TENT4B: variants seen among roughly 807,000 people sequenced by gnomAD.
TENT4B encodes the protein terminal nucleotidyltransferase 4B, also known as PAP associated domain containing 5.
A neutral mutation model predicts 75.0 loss-of-function variants in TENT4B; 10 were observed. That is an observed-to-expected ratio of 0.13 (90% CI 0.08 to 0.23). The LOEUF is 0.23. TENT4B is among the 10% of genes least tolerant of loss of function. The pLI is 1.00. For missense variants in TENT4B, 579 were observed against 893.8 expected (o/e 0.65, Z 4.49); for synonymous variants, 350 against 357.7 (o/e 0.98, Z 0.24).
At chr16:50,221,731 T>C (rs1192032883) in intron 5 of TENT4B, among the ~76,000 whole-genome samples, 1 of 152,208 alleles carries the variant, frequency 6.6e-6, no homozygotes, top group African/African-American at 2.4e-5. Flanking sequence ...GCATCATCAG[T>C]TACATGCTGT....
chr16:50,230,280 C>A lies in TENT4B; in HGVS notation c.*952C>A, dbSNP rs1161990315. ...CTTCCTTTGCAGTCTTTTTTTTTTC[C>A]CCCCATTTCTTCCTAATAGGAAAAA... On this transcript the variant is annotated 3_prime_UTR_variant, in exon 12 of 12. Transcript: ENST00000561678. The A allele has an allele frequency of 4.1e-6, 4 of 976,350 alleles. No individual in the cohort carries two copies. The highest frequency in any genetic ancestry group is 4.8e-6 in the Non-Finnish European group (4 of 827,946). 60.5% of individuals were successfully genotyped at this position (976,350 alleles called of 1,614,324 possible).
rs2032372897 is a variant in TENT4B, at chr16:50,233,954, C to G, written c.*4626C>G. ...CAGTGAACATTTTTATTAGTAGTTG[C>G]ATATCATCTCTAGTTCCACATTTTA... is the stretch of plus-strand genomic sequence containing the variant. On this transcript the variant is annotated 3_prime_UTR_variant, in exon 12 of 12. Coordinates refer to ENST00000561678, the MANE Select transcript of TENT4B (RefSeq NM_001365324.3). 1 of 985,406 alleles carries G rather than the reference C, an allele frequency of 1.0e-6. No homozygotes were observed. The highest frequency in any genetic ancestry group is 1.7e-5 in the African/African-American group (1 of 57,346). 61.0% of individuals were successfully genotyped at this position (985,406 alleles called of 1,614,324 possible).
Position 50,235,154 on chromosome 16 carries a change from T to A in TENT4B, c.*5826T>A. 1 of 529,998 alleles carries A rather than the reference T, an allele frequency of 1.9e-6. No homozygotes were observed. Among genetic ancestry groups the A allele is most frequent in the Non-Finnish European group, 2.4e-6 (1 of 413,640 alleles). The allele number at this position is 529,998 out of a possible 1,614,324, so 32.8% of individuals were successfully genotyped here. A position where few individuals can be genotyped will look rare whatever the true frequency, so the allele number is the denominator to read the frequency against. On this transcript the variant is annotated 3_prime_UTR_variant, in exon 12 of 12. Coordinates refer to ENST00000561678, the MANE Select transcript of TENT4B (RefSeq NM_001365324.3). ...TGAATTGCACACCTGGAAGATTTTT[T>A]AAGCTAATGACAGTTTCTTCAAAGA... is the stretch of plus-strand genomic sequence containing the variant.
intron 1 of TENT4B, among the ~76,000 whole-genome samples, chr16:50,156,873 G>A (rs1054659663): frequency 6.6e-6 from 1 of 151,906 alleles, no homozygotes; most frequent in South Asian, 2.1e-4. Context: ...TGTTGCCTAG[G>A]CTGGTCTTCA....
intron 1 of TENT4B, among the ~76,000 whole-genome samples, chr16:50,169,433 G>A (rs2038165481): frequency 7.6e-6 from 1 of 130,820 alleles, no homozygotes; most frequent in Non-Finnish European, 1.6e-5. Context: ...CATCATAAAT[G>A]GTGGTGTGTA....
chr16:50,216,283 AT>A, intron 4 of TENT4B, 88 bp downstream of exon 4: 1 of 1,478,660 alleles, frequency 6.8e-7, no homozygotes, highest in South Asian at 1.2e-5. Flanking sequence ...GCACAGTTGC[AT>A]TGCAAGTGAG....
intron 1 of TENT4B, among the ~76,000 whole-genome samples, chr16:50,188,148 T>C (rs544163115): frequency 6.6e-6 from 1 of 152,334 alleles, no homozygotes; most frequent in Non-Finnish European, 1.5e-5. Flanking sequence ...AAAATTACTT[T>C]TATGGAGCCG....
intron 5 of TENT4B, 113 bp downstream of exon 5, chr16:50,217,776 T>TCTCTCTCCCTCTCTCTCTCTCTCTCTC (rs1383293650): frequency 5.4e-4 from 7 of 12,942 alleles, no homozygotes; most frequent in Non-Finnish European, 1.1e-3. Flanking sequence ...CTCTCTCTCT[T>TCTCTCTCCCTCTCTCTCTCTCTCTCTC]TTAAATAGAG....
intron 1 of TENT4B, among the ~76,000 whole-genome samples, chr16:50,168,467 A>ATTT (rs61664898): frequency 0.017 from 2,071 of 123,304 alleles, 67 homozygotes; most frequent in African/African-American, 0.057. Flanking sequence ...CACCCAGCTA[A>ATTT]TTTTTTTTTT....
Position 50,232,923 on chromosome 16 carries a change from A to C in TENT4B, c.*3595A>C, listed in dbSNP as rs1228978653. On this transcript the variant is annotated 3_prime_UTR_variant, in exon 12 of 12. Transcript: ENST00000561678. ...CTTCACAGTCAAAACTAAATGGTAA[A>C]CTATCAAAAATACATTCCCAATTTT... is the stretch of plus-strand genomic sequence containing the variant. 4.1e-6 allele frequency: 4 copies of C among 985,290 alleles called. No homozygotes were observed. Among genetic ancestry groups the C allele is most frequent in the Middle Eastern group, 5.2e-4 (1 of 1,936 alleles). The allele number at this position is 985,290 out of a possible 1,614,324, so 61.0% of individuals were successfully genotyped here. A position where few individuals can be genotyped will look rare whatever the true frequency, so the allele number is the denominator to read the frequency against.
intron 1 of TENT4B, among the ~76,000 whole-genome samples, chr16:50,176,217 G>T (rs2038305597): frequency 6.6e-6 from 1 of 151,626 alleles, no homozygotes; most frequent in South Asian, 2.1e-4. Flanking sequence ...CTCCCAAGCA[G>T]CTGGGATTAT....
intron 1 of TENT4B, among the ~76,000 whole-genome samples, chr16:50,200,300 A>T (rs530387363): frequency 2.6e-5 from 4 of 151,870 alleles, no homozygotes; most frequent in Admixed American, 1.3e-4. Context: ...CAGGAGCTGG[A>T]GGTGGCAGTA....
chr16:50,223,506 T>C, intron 7 of TENT4B, 119 bp downstream of exon 7: 2 of 693,388 alleles, frequency 2.9e-6, no homozygotes, highest in Non-Finnish European at 4.7e-6. Context: ...GTTATTCTTT[T>C]TTCATCGAAA....
chr16:50,154,246 C>A lies in TENT4B; in HGVS notation c.625C>A (p.Gln209Lys). Residue 209 changes from glutamine to lysine, a missense_variant, in exon 1 of 12, where the codon CAG becomes AAG. Gln to Lys is a moderately conservative substitution (Grantham distance 53). Transcript: ENST00000561678. ...GTPWKRRNYN[Q>K]GVVGLHEEIS... ...CCCGTGGAAACGGAGGAACTACAACCAGGGAGTCGTGGGGTGAGTGCTGGC... is the reference window on the plus strand; with the variant it reads ...CCCGTGGAAACGGAGGAACTACAACAAGGGAGTCGTGGGGTGAGTGCTGGC... The A allele has an allele frequency of 6.9e-7, 1 of 1,447,982 alleles. No individual in the cohort carries two copies. The highest frequency in any genetic ancestry group is 1.5e-5 in the African/African-American group (1 of 68,394). 89.7% of individuals were successfully genotyped at this position (1,447,982 alleles called of 1,614,324 possible).
rs1400107893 is a variant in TENT4B, at chr16:50,153,422, G to C, written c.-200G>C. Among the ~76,000 whole-genome samples the C allele has an allele frequency of 6.8e-6, 1 of 146,716 alleles. No homozygotes were observed. Among genetic ancestry groups the C allele is most frequent in the Non-Finnish European group, 1.5e-5 (1 of 65,868 alleles). ...GGGGAGGGCCCGCGGAGCCCCCGAG[G>C]GCGGGAGCGACGCCGCCGGCGCCGG... On this transcript the variant is annotated 5_prime_UTR_variant, in exon 1 of 12. Coordinates refer to ENST00000561678, the MANE Select transcript of TENT4B (RefSeq NM_001365324.3).
intron 1 of TENT4B, among the ~76,000 whole-genome samples, chr16:50,163,794 G>A (rs981101394): frequency 2.6e-5 from 4 of 151,746 alleles, no homozygotes; most frequent in Non-Finnish European, 4.4e-5. Context: ...TTATCAATAC[G>A]CACTCTTACT....
intron 1 of TENT4B, among the ~76,000 whole-genome samples, chr16:50,160,426 A>G (rs1370304066): frequency 6.6e-6 from 1 of 152,190 alleles, no homozygotes; most frequent in Non-Finnish European, 1.5e-5. Context: ...AAGGCTTACT[A>G]CATTACAGGA....
chr16:50,153,850 G>T lies in TENT4B; in HGVS notation c.229G>T (p.Ala77Ser). The T allele has an allele frequency of 2.8e-5, 38 of 1,369,446 alleles. No homozygotes were observed. The highest frequency in any genetic ancestry group is 3.5e-5 in the Non-Finnish European group (37 of 1,065,920). The allele number at this position is 1,369,446 out of a possible 1,614,324, so 84.8% of individuals were successfully genotyped here. A position where few individuals can be genotyped will look rare whatever the true frequency, so the allele number is the denominator to read the frequency against. The change falls in exon 1 of 12, where the codon GCC (alanine) becomes TCC (serine). Residue 77 changes from alanine to serine, a missense_variant. Around this residue, in one of 7 missense-constraint regions of TENT4B, gnomAD observed 253 missense variants for 270.1 expected, o/e 0.94. Transcript: ENST00000561678. Reference sequence around the variant, plus strand: ...CCCCGGCGGCGCGGCCTCGGCCCCGGCCCCGGCCCCGGCCGGCATGTATCG... The same window carrying T: ...CCCCGGCGGCGCGGCCTCGGCCCCGTCCCCGGCCCCGGCCGGCATGTATCG... ...GSPGGAASAP[A>S]PAPAGMYRSG...
At chr16:50,197,674 G>A (rs556389374) in intron 1 of TENT4B, among the ~76,000 whole-genome samples, 7 of 152,284 alleles carry the variant, frequency 4.6e-5, no homozygotes, top group East Asian at 3.9e-4. Context: ...CAGCCATGTC[G>A]TGGAAAAAGA....
Sources: gnomAD v4.1 joint callset for allele counts (sites outside exome capture counted in the v4.1 genomes callset) on GRCh38, gnomAD v4.1.1 for gene constraint, gnomAD v4.1.1 regional missense constraint, MANE v1.5 for transcripts, NCBI Gene and HGNC (gene_info 2026-07-23, HGNC 2026-07-21) for gene names.